Variants in MDGA2 observed in about 807,000 individuals in gnomAD.
The protein encoded by MDGA2 is MAM domain containing glycosylphosphatidylinositol anchor 2, also known as MAM domain-containing glycosylphosphatidylinositol anchor protein 2.
Under a neutral mutation model 117.8 loss-of-function variants are expected in MDGA2, and 40 were observed. The ratio of observed to expected loss-of-function variants is 0.34; its 90% confidence interval spans 0.26 to 0.44. The LOEUF (loss-of-function observed/expected upper bound fraction) is 0.44, where lower values mean the gene tolerates loss of function less well. Ranked by LOEUF, MDGA2 falls within the 20% of genes least tolerant of loss-of-function variation. MDGA2 has a pLI of 1.00. For missense variants in MDGA2, 1,123 were observed against 1,250.6 expected (o/e 0.90, Z 1.54); for synonymous variants, 452 against 439.0 (o/e 1.03, Z -0.37).
rs867786058 is a variant in MDGA2 at position 46,971,452 on chromosome 14, G to T, written c.1820-13809C>A. ...ACATTATCTTAAGTGAGATAAGACA[G>T]TCACAGAAAGACAAATACCACATAT... On this transcript the variant is annotated intron_variant, in intron 8 of 16. Coordinates refer to ENST00000399232, the MANE Select transcript of MDGA2 (RefSeq NM_001113498.3). 3.3e-5 allele frequency among the ~76,000 whole-genome samples: 5 copies of T among 152,080 alleles called. No individual in the cohort carries two copies. The South Asian group carries it at 1.0e-3, about 32-fold the overall frequency.
At chr14:46,864,099 C>T (rs934141800) in intron 14 of MDGA2, among the ~76,000 whole-genome samples, 9 of 130,564 alleles carry the variant, frequency 6.9e-5, no homozygotes, top group African/African-American at 2.3e-4. Flanking sequence ...CAGTGAAAAG[C>T]CAAAGCTAAT....
intron 1 of MDGA2, among the ~76,000 whole-genome samples, chr14:47,464,173 C>G (rs1271669798): frequency 6.6e-6 from 1 of 151,030 alleles, no homozygotes; most frequent in Non-Finnish European, 1.5e-5. Context: ...TTGGTATCAG[C>G]AGACATAAAT....
At chr14:47,042,354 C>T (rs570030997) in intron 7 of MDGA2, among the ~76,000 whole-genome samples, 20 of 147,078 alleles carry the variant, frequency 1.4e-4, no homozygotes, top group African/African-American at 3.8e-4. Flanking sequence ...TGTATGCACA[C>T]GCATGCAGGT....
chr14:47,268,082 T>A (rs1396907865), intron 2 of MDGA2, among the ~76,000 whole-genome samples: 2 of 152,004 alleles, frequency 1.3e-5, no homozygotes, highest in Non-Finnish European at 2.9e-5. Context: ...CTTCTTTTTT[T>A]TTTTTTTGAG....
intron 2 of MDGA2, among the ~76,000 whole-genome samples, chr14:47,256,764 G>A (rs1282092534): frequency 6.6e-6 from 1 of 150,606 alleles, no homozygotes. Flanking sequence ...ATCATAAAAT[G>A]GTAATTTAAT....
intron 8 of MDGA2, among the ~76,000 whole-genome samples, chr14:46,977,116 A>T (rs527875155): frequency 1.6e-3 from 247 of 152,070 alleles, no homozygotes; most frequent in African/African-American, 5.5e-3. Context: ...CTTCATAAAA[A>T]AATATACCAT....
intron 14 of MDGA2, among the ~76,000 whole-genome samples, chr14:46,868,305 T>G (rs1220161517): frequency 6.6e-6 from 1 of 152,024 alleles, no homozygotes; most frequent in East Asian, 1.9e-4. Context: ...GAAAAAGTAC[T>G]TATTCAATTA....
chr14:47,102,868 C>A lies in MDGA2; in HGVS notation c.926-5745G>T, dbSNP rs532555865. On this transcript the variant is annotated intron_variant, in intron 5 of 16. Transcript: ENST00000399232. ...TGCAATCTGTCCAAAGAAACTGCAG[C>A]AACCTCCAGGCCAGGACAGGAGGAA... is the stretch of plus-strand genomic sequence containing the variant. Among the ~76,000 whole-genome samples the A allele has an allele frequency of 2.6e-5, 4 of 152,306 alleles. No individual in the cohort carries two copies. The South Asian group carries it at 8.3e-4, about 32-fold the overall frequency.
intron 2 of MDGA2, among the ~76,000 whole-genome samples, chr14:47,236,759 T>C (rs187578471): frequency 5.9e-5 from 9 of 152,240 alleles, no homozygotes; most frequent in African/African-American, 2.2e-4. Context: ...ATGTCCAAAA[T>C]AAGTTAACAT....
At chr14:46,966,924 G>C (rs1886054068) in intron 8 of MDGA2, among the ~76,000 whole-genome samples, 1 of 140,096 alleles carries the variant, frequency 7.1e-6, no homozygotes, top group African/African-American at 2.5e-5. Context: ...TTAATAAGGG[G>C]ATGAGAGAGT....
At chr14:47,086,067 C>T (rs1025207643) in intron 6 of MDGA2, among the ~76,000 whole-genome samples, 10 of 149,066 alleles carry the variant, frequency 6.7e-5, no homozygotes, top group South Asian at 2.1e-4. Context: ...TTTTAACTAC[C>T]GTGATTATGG....
chr14:47,057,732 C>G lies in MDGA2; in HGVS notation c.1525+3517G>C, dbSNP rs1432348042. Among the ~76,000 whole-genome samples the G allele has an allele frequency of 3.3e-5, 5 of 150,932 alleles. No homozygotes were observed. In the East Asian group the frequency reaches 7.9e-4, roughly 24 times the overall value. ...CTTACCTTGCCCTGCCCTACCTTGC[C>G]CTGCCCTGCCCTGCCTTGCCTTGCC... On this transcript the variant is annotated intron_variant, in intron 7 of 16. Transcript: ENST00000399232.
At chr14:46,870,044 C>CT (rs1456616660) in intron 14 of MDGA2, among the ~76,000 whole-genome samples, 1 of 151,882 alleles carries the variant, frequency 6.6e-6, no homozygotes, top group Non-Finnish European at 1.5e-5. Context: ...GCCAAAGGCA[C>CT]TCAGTTGAGC....
At chr14:46,871,272 A>G (rs1023434444) in intron 14 of MDGA2, 4 of 151,826 alleles carry the variant, frequency 2.6e-5, no homozygotes, top group Non-Finnish European at 5.9e-5. Context: ...TTTTGATTGC[A>G]GAAAATCTAA....
chr14:47,506,436 T>G (rs1894513638), intron 1 of MDGA2, among the ~76,000 whole-genome samples: 1 of 152,152 alleles, frequency 6.6e-6, no homozygotes. Flanking sequence ...GTGTGCAAAT[T>G]TCTTCTCAGT....
intron 1 of MDGA2, among the ~76,000 whole-genome samples, chr14:47,430,398 T>C (rs1892775462): frequency 6.6e-6 from 1 of 152,068 alleles, no homozygotes. Context: ...TCTGTGTTTT[T>C]AGCCAGGTAG....
At chr14:47,396,338 G>A (rs907506276) in intron 1 of MDGA2, among the ~76,000 whole-genome samples, 1 of 152,046 alleles carries the variant, frequency 6.6e-6, no homozygotes, top group East Asian at 1.9e-4. Flanking sequence ...AAAAACCCTA[G>A]AAGACCTAAA....
chr14:47,639,263 A>G (rs1015393586), intron 1 of MDGA2, among the ~76,000 whole-genome samples: 1 of 152,174 alleles, frequency 6.6e-6, no homozygotes, highest in East Asian at 1.9e-4. Flanking sequence ...ACAGCGATTT[A>G]TATCTTTTGA....
intron 1 of MDGA2, among the ~76,000 whole-genome samples, chr14:47,624,175 A>C (rs1188614227): frequency 6.6e-6 from 1 of 152,168 alleles, no homozygotes; most frequent in East Asian, 1.9e-4. Context: ...ATCTTTTTCT[A>C]GGCCGGGTGC....
Sources: allele counts gnomAD v4.1 joint callset (sites outside exome capture counted in the v4.1 genomes callset), GRCh38; gene constraint gnomAD v4.1.1; transcripts MANE v1.5; gene names NCBI Gene and HGNC (gene_info 2026-07-23, HGNC 2026-07-21).